Variants in TUFT1 observed in about 807,000 individuals in gnomAD.
TUFT1 encodes the protein tuftelin.
Under a neutral mutation model 57.8 loss-of-function variants are expected in TUFT1, and 43 were observed. The ratio of observed to expected loss-of-function variants is 0.74; its 90% CI spans 0.58 to 0.96. TUFT1 has a LOEUF of 0.96. TUFT1 is among the 40% of genes least tolerant of loss of function. TUFT1 has a pLI of 0.00. For missense variants in TUFT1, 459 were observed against 489.0 expected, an observed-to-expected ratio of 0.94 and a Z score of 0.58; for synonymous variants, 166 against 176.7, an observed-to-expected ratio of 0.94 and a Z score of 0.48.
At chr1:151,558,022 G>T in intron 1 of TUFT1, 1 of 418,820 alleles carries the variant, frequency 2.4e-6, no homozygotes. Flanking sequence ...AGAGGGGAAG[G>T]AAATCTTGTT....
At chr1:151,573,006 T>A (rs930916435) in intron 7 of TUFT1, among the ~76,000 whole-genome samples, 2 of 152,228 alleles carry the variant, frequency 1.3e-5, no homozygotes, top group African/African-American at 4.8e-5. Context: ...ATCTGGGTGC[T>A]AGCACTGGCT....
rs749296069 is a variant in TUFT1 at position 151,580,961 on chromosome 1, G to T, written c.1028G>T (p.Arg343Leu). Reference protein sequence around the residue: ...LEAENLEMHDRMEHLIEKQIS... With the variant: ...LEAENLEMHDLMEHLIEKQIS... ...TTACAGAATTTAGAGATGCATGACC[G>T]GATGGAACACCTGATAGAAAAACAA... is the stretch of plus-strand genomic sequence containing the variant. The change falls in exon 12 of 13, where the codon CGG becomes CTG. Residue 343 changes from arginine to leucine, a missense_variant. Arg to Leu is a moderately radical substitution (Grantham distance 102). Transcript: ENST00000368849. 2 of 1,614,064 alleles carry T rather than the reference G, an allele frequency of 1.2e-6. No individual in the cohort carries two copies. The highest frequency in any genetic ancestry group is 1.1e-5 in the South Asian group (1 of 91,068).
chr1:151,578,247 T>G (rs1666541479), intron 9 of TUFT1, among the ~76,000 whole-genome samples: 1 of 152,180 alleles, frequency 6.6e-6, no homozygotes, highest in South Asian at 2.1e-4. Context: ...TTATCCCTTC[T>G]AACCTTTCCG....
In TUFT1 at chr1:151,566,248, A is replaced by G. The variant is rs1308421018; in HGVS notation, c.480+20A>G. The G allele has an allele frequency of 1.9e-6, 3 of 1,604,180 alleles. No homozygotes were observed. Among genetic ancestry groups the G allele is most frequent in the South Asian group, 2.2e-5 (2 of 90,016 alleles). The stretch of plus-strand genomic sequence containing the variant: ...CCTGAGGTAGGTAACAGAGGACACC[A>G]TGGTGGCTCCGCTTAGCCAGGGGCA... On this transcript the variant is annotated intron_variant, in intron 6 of 12. Coordinates refer to ENST00000368849, the MANE Select transcript of TUFT1 (RefSeq NM_020127.3).
At chr1:151,560,957 TGTGTGTG>T (rs1224056672) in intron 1 of TUFT1, among the ~76,000 whole-genome samples, 5 of 8,752 alleles carry the variant, frequency 5.7e-4, no homozygotes, top group Non-Finnish European at 4.4e-3. Flanking sequence ...TGCAAAGTAT[TGTGTGTG>T]TGTGTGTGTG....
chr1:151,544,260 TG>T (rs1665261464), intron 1 of TUFT1, among the ~76,000 whole-genome samples: 1 of 151,946 alleles, frequency 6.6e-6, no homozygotes. Context: ...GGATTACAGG[TG>T]TGCACCACTG....
intron 7 of TUFT1, among the ~76,000 whole-genome samples, chr1:151,571,656 A>G (rs1397049264): frequency 6.6e-6 from 1 of 152,164 alleles, no homozygotes; most frequent in Non-Finnish European, 1.5e-5. Context: ...GGAAGAAAGG[A>G]AGGTTGAGGC....
chr1:151,546,472 AACATTTCCTT>A (rs1247866233), intron 1 of TUFT1, among the ~76,000 whole-genome samples: 4 of 152,190 alleles, frequency 2.6e-5, no homozygotes, highest in Non-Finnish European at 5.9e-5. Context: ...TCAATTTTAG[AACATTTCCTT>A]ACCTTATAAA....
chr1:151,570,313 C>T (rs575122801), intron 7 of TUFT1, among the ~76,000 whole-genome samples: 1 of 152,234 alleles, frequency 6.6e-6, no homozygotes, highest in African/African-American at 2.4e-5. Flanking sequence ...ATCTTTTTTT[C>T]ACTCTGCTGC....
At chr1:151,553,781 A>C (rs1304682161) in intron 1 of TUFT1, among the ~76,000 whole-genome samples, 1 of 151,946 alleles carries the variant, frequency 6.6e-6, no homozygotes, top group African/African-American at 2.4e-5. Flanking sequence ...TCAGTGTCTC[A>C]GAGTGTCGGT....
chr1:151,570,645 C>T lies in TUFT1; in HGVS notation c.594+875C>T, dbSNP rs563797058. Among the ~76,000 whole-genome samples, 13 of 152,250 alleles carry T rather than the reference C, an allele frequency of 8.5e-5. No homozygotes were observed. The South Asian group carries it at 2.7e-3, about 32-fold the overall frequency. ...ATAAATGGAGAGTAAAAGCCCCCTA[C>T]TATATGTGAGGTCTTCCATATTTTC... is the stretch of plus-strand genomic sequence containing the variant. On this transcript the variant is annotated intron_variant, in intron 7 of 12. Transcript: ENST00000368849.
intron 7 of TUFT1, among the ~76,000 whole-genome samples, chr1:151,570,536 T>C (rs1666223321): frequency 6.6e-6 from 1 of 152,118 alleles, no homozygotes; most frequent in South Asian, 2.1e-4. Flanking sequence ...TGCCTCAGCC[T>C]CCCAAAGTGC....
At chr1:151,560,091 G>A (rs867536974) in intron 1 of TUFT1, among the ~76,000 whole-genome samples, 3 of 148,386 alleles carry the variant, frequency 2.0e-5, no homozygotes, top group Non-Finnish European at 3.0e-5. Flanking sequence ...CCAGCACACC[G>A]GCAATATTTT....
chr1:151,565,964 T>C, intron 5 of TUFT1, 199 bp from the exon 6 acceptor site: 1 of 465,676 alleles, frequency 2.1e-6, no homozygotes, highest in Non-Finnish European at 3.9e-6. Flanking sequence ...TTTCGCTTCG[T>C]TCCTTCTTCC....
At position 151,564,022 on chromosome 1, in the gene TUFT1, A is replaced by G. The variant is rs142063827; in HGVS notation, c.324+32A>G. On this transcript the variant is annotated intron_variant, in intron 4 of 12. Transcript: ENST00000368849. Reference sequence around the variant, plus strand: ...ACCCCTTACCTCTCACGCAGTGCCTAGGTCATTTCTCTAAATCTCACATTT... The same window carrying G: ...ACCCCTTACCTCTCACGCAGTGCCTGGGTCATTTCTCTAAATCTCACATTT... 5 of 1,526,950 alleles carry G rather than the reference A, an allele frequency of 3.3e-6. No individual in the cohort carries two copies. In the South Asian group the frequency reaches 3.5e-5, roughly 11 times the overall value. The allele number at this position is 1,526,950 out of a possible 1,614,324, so 94.6% of individuals were successfully genotyped here.
intron 1 of TUFT1, among the ~76,000 whole-genome samples, chr1:151,548,462 C>A (rs1327034373): frequency 6.6e-6 from 1 of 152,016 alleles, no homozygotes; most frequent in Non-Finnish European, 1.5e-5. Context: ...GCCACCACGC[C>A]CAGCTAATTT....
chr1:151,552,114 A>G (rs1419473733), intron 1 of TUFT1, among the ~76,000 whole-genome samples: 1 of 152,202 alleles, frequency 6.6e-6, no homozygotes, highest in Non-Finnish European at 1.5e-5. Context: ...ATCATACAGT[A>G]TACTTTTGTG....
chr1:151,547,738 G>A (rs1351553194), intron 1 of TUFT1, among the ~76,000 whole-genome samples: 1 of 152,176 alleles, frequency 6.6e-6, no homozygotes, highest in African/African-American at 2.4e-5. Context: ...TTTGCTGGTC[G>A]CTAGGCAGGT....
Position 151,564,073 on chromosome 1 carries a change from T to A in TUFT1, c.324+83T>A, listed in dbSNP as rs555668931. The A allele has an allele frequency of 1.6e-5, 18 of 1,154,268 alleles. No individual in the cohort carries two copies. The South Asian group carries it at 1.9e-4, about 12-fold the overall frequency. The allele number at this position is 1,154,268 out of a possible 1,614,324, so 71.5% of individuals were successfully genotyped here. On this transcript the variant is annotated intron_variant, in intron 4 of 12. Coordinates refer to ENST00000368849, the MANE Select transcript of TUFT1 (RefSeq NM_020127.3). Reference sequence around the variant, plus strand: ...TTTGTGACTGTCTTCTTTTGTGGATTCTGGTTTTTCCCCTTCTTTTTCCTT... The same window carrying A: ...TTTGTGACTGTCTTCTTTTGTGGATACTGGTTTTTCCCCTTCTTTTTCCTT...
Sources: gnomAD v4.1 joint callset for allele counts (sites outside exome capture counted in the v4.1 genomes callset) on GRCh38, gnomAD v4.1.1 for gene constraint, MANE v1.5 for transcripts, NCBI Gene and HGNC (gene_info 2026-07-23, HGNC 2026-07-21) for gene names.